Variants in RIMS2 observed in about 807,000 individuals in gnomAD.
RIMS2 encodes regulating synaptic membrane exocytosis 2.
In RIMS2, 59 loss-of-function variants were observed where a neutral mutation model predicts 174.4. The ratio of observed to expected loss-of-function variants is 0.34; its 90% CI spans 0.27 to 0.42. The LOEUF is 0.42. Among genes scored for constraint, RIMS2 ranks in the 10% least tolerant of loss-of-function variants. The pLI is 1.00. For missense variants in RIMS2, 1,620 were observed against 1,666.3 expected (o/e 0.97, Z 0.48); for synonymous variants, 606 against 572.5 (o/e 1.06, Z -0.84).
At chr8:103,938,874 T>A (rs930551648) in intron 13 of RIMS2, among the ~76,000 whole-genome samples, 1 of 152,198 alleles carries the variant, frequency 6.6e-6, no homozygotes, top group Admixed American at 6.5e-5. Flanking sequence ...CTTAAAACTC[T>A]AAAATAATCT....
At chr8:103,911,849 G>A (rs2075737681) in intron 5 of RIMS2, among the ~76,000 whole-genome samples, 1 of 152,120 alleles carries the variant, frequency 6.6e-6, no homozygotes, top group Non-Finnish European at 1.5e-5. Context: ...AAAAAACTTT[G>A]AGATTATATT....
chr8:103,678,720 G>A (rs921687768), intron 1 of RIMS2, among the ~76,000 whole-genome samples: 6 of 152,122 alleles, frequency 3.9e-5, no homozygotes, highest in Admixed American at 2.6e-4. Context: ...GAAGCCTATC[G>A]ATTCTTTCTC....
chr8:103,730,867 G>A (rs1460483362), intron 2 of RIMS2, among the ~76,000 whole-genome samples: 2 of 152,134 alleles, frequency 1.3e-5, no homozygotes, highest in African/African-American at 4.8e-5. Flanking sequence ...TCATTTTTAT[G>A]TTGCTGATAA....
intron 5 of RIMS2, 59 bp from the exon 9 acceptor site, chr8:103,911,990 GATAA>G: frequency 7.8e-7 from 1 of 1,280,714 alleles, no homozygotes; most frequent in East Asian, 2.6e-5. Flanking sequence ...GTCATAAAAC[GATAA>G]ATAAAATCAT....
intron 3 of RIMS2, among the ~76,000 whole-genome samples, chr8:103,878,646 ATCT>A (rs755108614): frequency 6.7e-6 from 1 of 149,906 alleles, no homozygotes; most frequent in Non-Finnish European, 1.5e-5. Context: ...TTGGTACCAG[ATCT>A]TCTTTGAATG....
intron 19 of RIMS2, among the ~76,000 whole-genome samples, chr8:104,058,065 G>A (rs1322577754): frequency 3.6e-4 from 54 of 150,856 alleles, no homozygotes; most frequent in African/African-American, 1.3e-3. Context: ...ATGATTTATA[G>A]TCCTTTGGGT....
chr8:103,592,008 A>C (rs910250109), intron 1 of RIMS2, among the ~76,000 whole-genome samples: 1 of 151,220 alleles, frequency 6.6e-6, no homozygotes, highest in Non-Finnish European at 1.5e-5. Context: ...ACATTTAACA[A>C]TATTAGAACT....
At chr8:104,066,311 C>A (rs1259079043) in intron 19 of RIMS2, among the ~76,000 whole-genome samples, 1 of 152,088 alleles carries the variant, frequency 6.6e-6, no homozygotes, top group Non-Finnish European at 1.5e-5. Flanking sequence ...AGGATGTTGC[C>A]ATCCAGAAAA....
intron 19 of RIMS2, among the ~76,000 whole-genome samples, chr8:104,105,635 A>G (rs1279801338): frequency 6.6e-6 from 1 of 152,112 alleles, no homozygotes; most frequent in African/African-American, 2.4e-5. Context: ...TGGTGCTATC[A>G]TAGCTCACTT....
chr8:104,145,524 T>A (rs900313029), intron 19 of RIMS2, among the ~76,000 whole-genome samples: 2 of 151,716 alleles, frequency 1.3e-5, no homozygotes, highest in African/African-American at 4.8e-5. Flanking sequence ...CCCAAAACTT[T>A]AAAAATTTTG....
chr8:103,819,486 A>AG lies in RIMS2; in HGVS notation c.698+52953dup, dbSNP rs778567050. On this transcript the variant is annotated intron_variant, in intron 3 of 23. Coordinates refer to ENST00000504942, the Ensembl canonical transcript of RIMS2. Reference sequence around the variant, plus strand: ...ACAGGTGGTAGGGAAAAATAAGAGAAGGGGAAAAAAAAAGAAAGAAAATGC... The same window carrying AG: ...ACAGGTGGTAGGGAAAAATAAGAGAAGGGGGAAAAAAAAAGAAAGAAAATGC... The AG allele has an allele frequency of 8.1e-6, 13 of 1,610,758 alleles. No homozygotes were observed. In the Admixed American group the frequency reaches 1.0e-4, roughly 12 times the overall value.
intron 6 of RIMS2, among the ~76,000 whole-genome samples, chr8:103,914,678 C>T (rs1212985522): frequency 1.3e-5 from 2 of 152,036 alleles, no homozygotes; most frequent in South Asian, 2.1e-4. Flanking sequence ...AGATACACCC[C>T]GTGATTTTTG....
In RIMS2 at chr8:104,037,303, A is replaced by G. The variant is rs1451211649; in HGVS notation, c.3334+22688A>G. On this transcript the variant is annotated intron_variant, in intron 19 of 23. Coordinates refer to ENST00000504942, the Ensembl canonical transcript of RIMS2. ...TCTGTGACCTTTAATGAGCCCTCAC[A>G]CTATGATTAGCTTCTAATTATGTTC... Among the ~76,000 whole-genome samples the G allele has an allele frequency of 5.3e-5, 8 of 152,162 alleles. No individual in the cohort carries two copies. In the East Asian group the frequency reaches 1.3e-3, roughly 26 times the overall value.
intron 19 of RIMS2, among the ~76,000 whole-genome samples, chr8:104,161,855 G>A (rs1170108259): frequency 6.6e-6 from 1 of 152,186 alleles, no homozygotes; most frequent in Non-Finnish European, 1.5e-5. Flanking sequence ...TGTGGTTGTG[G>A]ACCTCAGGTT....
intron 3 of RIMS2, among the ~76,000 whole-genome samples, chr8:103,800,993 C>G (rs2098603584): frequency 6.6e-6 from 1 of 151,644 alleles, no homozygotes; most frequent in South Asian, 2.1e-4. Flanking sequence ...TTTATTTATT[C>G]TATTTTTTTC....
chr8:103,789,918 A>G (rs1412761283), intron 3 of RIMS2, among the ~76,000 whole-genome samples: 1 of 151,374 alleles, frequency 6.6e-6, no homozygotes, highest in South Asian at 2.1e-4. Context: ...ATGTCCAGAT[A>G]TTTTTTTCTA....
intron 1 of RIMS2, among the ~76,000 whole-genome samples, chr8:103,533,846 A>G (rs1052132360): frequency 6.6e-6 from 1 of 152,128 alleles, no homozygotes; most frequent in African/African-American, 2.4e-5. Flanking sequence ...TTGAATCATC[A>G]TGTGTTACTG....
At chr8:104,116,425 A>G (rs1052260219) in intron 19 of RIMS2, among the ~76,000 whole-genome samples, 1 of 152,188 alleles carries the variant, frequency 6.6e-6, no homozygotes, top group African/African-American at 2.4e-5. Flanking sequence ...TGTGGAAATT[A>G]TGTTTTCTAT....
At chr8:104,112,882 TG>T (rs2098214668) in intron 19 of RIMS2, among the ~76,000 whole-genome samples, 1 of 152,220 alleles carries the variant, frequency 6.6e-6, no homozygotes, top group Non-Finnish European at 1.5e-5. Flanking sequence ...TTAAAACTAC[TG>T]AACTCAGACA....
Sources: allele counts gnomAD v4.1 joint callset (sites outside exome capture counted in the v4.1 genomes callset), GRCh38; gene constraint gnomAD v4.1.1; transcripts MANE v1.5; gene names NCBI Gene and HGNC (gene_info 2026-07-23, HGNC 2026-07-21).